RNF220: variants seen among roughly 807,000 people sequenced by gnomAD.
RNF220 encodes the protein ring finger protein 220.
Under a neutral mutation model 67.1 loss-of-function variants are expected in RNF220, and 7 were observed. The observed-to-expected ratio is 0.10, with a 90% CI of 0.06 to 0.20. RNF220 has a LOEUF of 0.20. Among genes scored for constraint, RNF220 ranks in the 10% least tolerant of loss-of-function variants. The pLI, the probability that RNF220 is intolerant of heterozygous loss-of-function variation, is 1.00. For synonymous variants in RNF220, 270 were observed against 283.2 expected, an observed-to-expected ratio of 0.95 and a Z score of 0.47; for missense variants, 565 against 740.3, an observed-to-expected ratio of 0.76 and a Z score of 2.75.
At chr1:44,492,842 C>G (rs547287588) in intron 2 of RNF220, among the ~76,000 whole-genome samples, 1 of 151,788 alleles carries the variant, frequency 6.6e-6, no homozygotes, top group African/African-American at 2.4e-5. Context: ...TTTGTAGTGA[C>G]GGCAAGCCAA....
chr1:44,637,830 TGA>T (rs1446402675), intron 8 of RNF220, among the ~76,000 whole-genome samples: 1 of 152,112 alleles, frequency 6.6e-6, no homozygotes, highest in African/African-American at 2.4e-5. Context: ...AGAGCGAGAA[TGA>T]GAGTGAGACT....
intron 2 of RNF220, among the ~76,000 whole-genome samples, chr1:44,486,693 A>T (rs184017884): frequency 6.6e-6 from 1 of 152,294 alleles, no homozygotes; most frequent in Admixed American, 6.5e-5. Context: ...TGAACGGTAA[A>T]GCCCACTTGG....
chr1:44,520,244 C>T (rs186573502), intron 2 of RNF220, among the ~76,000 whole-genome samples: 95 of 151,874 alleles, frequency 6.3e-4, no homozygotes, highest in East Asian at 3.1e-3. Context: ...AGGCGGATCA[C>T]GAGGTCAGGA....
chr1:44,622,238 G>A lies in RNF220; in HGVS notation c.759-504G>A, dbSNP rs1195819006. ...AGGGCCCAGCTCCCGCCTGCCTGCC[G>A]CGCCCGATGCCGGAGGGCCTGGGGC... On this transcript the variant is annotated intron_variant, in intron 3 of 14. Coordinates refer to ENST00000361799, the MANE Select transcript of RNF220 (RefSeq NM_018150.4). This position sits in a 1 kb window ranked among gnomAD's most constrained non-coding sequence, Gnocchi z 4.3. 2.0e-5 allele frequency among the ~76,000 whole-genome samples: 3 copies of A among 152,192 alleles called. No individual in the cohort carries two copies. The highest frequency in any genetic ancestry group is 4.8e-5 in the African/African-American group (2 of 41,450).
chr1:44,407,706 G>T (rs999507681), intron 1 of RNF220, among the ~76,000 whole-genome samples: 1 of 152,082 alleles, frequency 6.6e-6, no homozygotes, highest in Non-Finnish European at 1.5e-5. Context: ...CCTCCCTCCC[G>T]CACTGCGCAT....
At chr1:44,520,166 A>G (rs1659815614) in intron 2 of RNF220, among the ~76,000 whole-genome samples, 1 of 150,192 alleles carries the variant, frequency 6.7e-6, no homozygotes, top group African/African-American at 2.5e-5. Flanking sequence ...ATTGTAAGAA[A>G]CTACATGAGT....
intron 2 of RNF220, among the ~76,000 whole-genome samples, chr1:44,579,003 A>G (rs942298003): frequency 1.3e-5 from 2 of 151,920 alleles, no homozygotes; most frequent in Admixed American, 6.6e-5. Context: ...AACTCTACTA[A>G]AAATACAAAA....
chr1:44,407,530 G>A (rs1647473681), intron 1 of RNF220, among the ~76,000 whole-genome samples: 1 of 152,140 alleles, frequency 6.6e-6, no homozygotes, highest in South Asian at 2.1e-4. Flanking sequence ...TTCGCTTGCT[G>A]CGCTTCGAGG....
At chr1:44,434,210 G>A (rs1650711741) in intron 2 of RNF220, among the ~76,000 whole-genome samples, 1 of 152,020 alleles carries the variant, frequency 6.6e-6, no homozygotes, top group Non-Finnish European at 1.5e-5. Context: ...GGGAATAGGG[G>A]GTCCTGGAAT....
intron 2 of RNF220, among the ~76,000 whole-genome samples, chr1:44,535,056 G>A (rs890440035): frequency 2.0e-5 from 3 of 152,124 alleles, no homozygotes; most frequent in Admixed American, 1.3e-4. Context: ...GCTTCATCGG[G>A]GGTAGGGGCT....
chr1:44,500,641 C>G (rs998406906), intron 2 of RNF220, among the ~76,000 whole-genome samples: 5 of 152,170 alleles, frequency 3.3e-5, no homozygotes, highest in African/African-American at 9.7e-5. Context: ...TAGACCTTTC[C>G]TCCCCAGCGG....
At position 44,405,323 on chromosome 1, in the gene RNF220, T is replaced by G. The variant is rs909614292; in HGVS notation, c.-325T>G. 6 of 514,720 alleles carry G rather than the reference T, an allele frequency of 1.2e-5. No homozygotes were observed. Among genetic ancestry groups the G allele is most frequent in the East Asian group, 3.6e-5 (1 of 27,488 alleles). 31.9% of individuals were successfully genotyped at this position (514,720 alleles called of 1,614,324 possible). A position where few individuals can be genotyped will look rare whatever the true frequency, so the allele number is the denominator to read the frequency against. The stretch of plus-strand genomic sequence containing the variant: ...CTCTCACGCCAACTGAGTCTCTTGA[T>G]CTGTACATGCAATCCCAGGCAGCTC... On this transcript the variant is annotated 5_prime_UTR_variant, in exon 1 of 15. Coordinates refer to ENST00000361799, the MANE Select transcript of RNF220 (RefSeq NM_018150.4).
intron 2 of RNF220, chr1:44,419,521 TA>T (rs1282926909): frequency 2.0e-5 from 3 of 152,230 alleles, no homozygotes; most frequent in Admixed American, 6.5e-5. Flanking sequence ...TTTTAGTGTT[TA>T]AAAAAATTAT....
intron 2 of RNF220, among the ~76,000 whole-genome samples, chr1:44,525,304 C>G (rs562198459): frequency 6.6e-6 from 1 of 152,164 alleles, no homozygotes; most frequent in Non-Finnish European, 1.5e-5. Context: ...TTTGGCAAAA[C>G]GGGGAAAGGC....
intron 2 of RNF220, among the ~76,000 whole-genome samples, chr1:44,594,590 C>G (rs1260683072): frequency 6.6e-6 from 1 of 152,152 alleles, no homozygotes; most frequent in Non-Finnish European, 1.5e-5. Flanking sequence ...CTGATCCAGG[C>G]ATGTGTCCCC....
intron 2 of RNF220, among the ~76,000 whole-genome samples, chr1:44,475,832 T>C (rs1268814211): frequency 6.6e-6 from 1 of 151,016 alleles, no homozygotes; most frequent in Admixed American, 6.6e-5. Flanking sequence ...GCCAACATGG[T>C]GAAACCCTGT....
Position 44,649,697 on chromosome 1 carries a change from T to C in RNF220, c.1482T>C (p.Ala494=), listed in dbSNP as rs758507943. 6.2e-7 allele frequency: 1 copy of C among 1,613,960 alleles called. No homozygotes were observed. Among genetic ancestry groups the C allele is most frequent in the Admixed American group, 1.7e-5 (1 of 59,998 alleles). The change falls in exon 13 of 15, where the codon GCT becomes GCC. Residue 494 remains alanine, a synonymous_variant. Coordinates refer to ENST00000361799, the MANE Select transcript of RNF220 (RefSeq NM_018150.4). The surrounding 1 kb of genome is among the most constrained non-coding windows in gnomAD (Gnocchi z 5.9). ...TEDSAVTTFE[A]LKARVRELER... is the part of the protein sequence containing the mutation. ...ATTCAGCTGTGACCACGTTTGAGGC[T>C]CTGAAGGCTCGGGTCAGAGAACTTG... is the stretch of plus-strand genomic sequence containing the variant.
intron 2 of RNF220, among the ~76,000 whole-genome samples, chr1:44,548,519 G>T (rs760388249): frequency 1.3e-5 from 2 of 151,594 alleles, no homozygotes; most frequent in Non-Finnish European, 2.9e-5. Flanking sequence ...TTTTAGACAA[G>T]GTCTCACTCT....
intron 2 of RNF220, among the ~76,000 whole-genome samples, chr1:44,471,426 C>CAAAAT (rs61470361): frequency 0.1 from 15,435 of 151,852 alleles, 1,857 homozygotes; most frequent in African/African-American, 0.29. Context: ...GACTCCATCT[C>CAAAAT]AAAATAAAAT....
Sources: allele counts gnomAD v4.1 joint callset (sites outside exome capture counted in the v4.1 genomes callset), GRCh38; gene constraint gnomAD v4.1.1; non-coding constraint Gnocchi (gnomAD v3.1); transcripts MANE v1.5; gene names NCBI Gene and HGNC (gene_info 2026-07-23, HGNC 2026-07-21).